GALNT18: variants seen among roughly 807,000 people sequenced by gnomAD.
GALNT18 encodes the protein GalNAc-transferase 18.
In GALNT18, 44 loss-of-function variants were observed where a neutral mutation model predicts 69.5. The ratio of observed to expected loss-of-function variants is 0.63; its 90% CI spans 0.50 to 0.81. The LOEUF (loss-of-function observed/expected upper bound fraction) is 0.81. GALNT18 is among the 40% of genes least tolerant of loss of function. The pLI, the probability that GALNT18 is intolerant of heterozygous loss-of-function variation, is 0.00. For missense variants in GALNT18, 715 were observed against 810.0 expected (o/e 0.88, Z 1.42); for synonymous variants, 364 against 318.2 (o/e 1.14, Z -1.53).
rs1006225568 is a variant in GALNT18, at chr11:11,620,901, A to G, written c.235+458T>C. The stretch of plus-strand genomic sequence containing the variant: ...GGCAGCCTGCGGGTCTTAACTGCCA[A>G]TAGTCAGGGCCGCCGCGCGGGCATC... On this transcript the variant is annotated intron_variant, in intron 1 of 10. Transcript: ENST00000227756. This position sits in a 1 kb window ranked among gnomAD's most constrained non-coding sequence, Gnocchi z 6.9. Among the ~76,000 whole-genome samples the G allele has an allele frequency of 2.0e-5, 3 of 152,170 alleles. No homozygotes were observed. Among genetic ancestry groups the G allele is most frequent in the African/African-American group, 4.8e-5 (2 of 41,438 alleles).
intron 9 of GALNT18, among the ~76,000 whole-genome samples, chr11:11,297,542 G>A (rs995355850): frequency 6.6e-6 from 1 of 152,148 alleles, no homozygotes; most frequent in Non-Finnish European, 1.5e-5. Context: ...CCTCCAGGCT[G>A]GGAGGGGCAG....
chr11:11,461,785 C>A lies in GALNT18; in HGVS notation c.236-12849G>T, dbSNP rs1399226870. Among the ~76,000 whole-genome samples, 1 of 152,194 alleles carries A rather than the reference C, an allele frequency of 6.6e-6. No individual in the cohort carries two copies. The highest frequency in any genetic ancestry group is 2.4e-5 in the African/African-American group (1 of 41,436). ...CTAGACAGGGAGAAAGCAGTGTGGC[C>A]CTTGCCAGTAGGACAGCCTGCAGCC... On this transcript the variant is annotated intron_variant, in intron 1 of 10. Coordinates refer to ENST00000227756, the MANE Select transcript of GALNT18 (RefSeq NM_198516.3). This position sits in a 1 kb window ranked among gnomAD's most constrained non-coding sequence, Gnocchi z 4.1.
At position 11,497,367 on chromosome 11, in the gene GALNT18, C is replaced by CACACACAT. The variant is rs1344381727; in HGVS notation, c.236-48432_236-48431insATGTGTGT. ...ACACACACACACACACACACACACA[C>CACACACAT]ACACCCCTTAGAATGGGGCTCCTTA... On this transcript the variant is annotated intron_variant, in intron 1 of 10. Transcript: ENST00000227756. The surrounding 1 kb of genome is among the most constrained non-coding windows in gnomAD (Gnocchi z 4.2). Among the ~76,000 whole-genome samples the CACACACAT allele has an allele frequency of 6.8e-6, 1 of 147,896 alleles. No individual in the cohort carries two copies. Among genetic ancestry groups the CACACACAT allele is most frequent in the African/African-American group, 2.5e-5 (1 of 39,840 alleles).
chr11:11,408,656 C>T (rs188621626), intron 3 of GALNT18, among the ~76,000 whole-genome samples: 2 of 152,230 alleles, frequency 1.3e-5, no homozygotes, highest in East Asian at 1.9e-4. Flanking sequence ...GGCAAGGCAC[C>T]CACACCTGCA....
chr11:11,495,528 G>T (rs1272990814), intron 1 of GALNT18, among the ~76,000 whole-genome samples: 1 of 152,176 alleles, frequency 6.6e-6, no homozygotes, highest in Non-Finnish European at 1.5e-5. Context: ...ATATTCATTT[G>T]CTCATTAGGA....
rs367720025 is a variant in GALNT18, at chr11:11,430,139, C to A, written c.595+2482G>T. 2.0e-4 allele frequency among the ~76,000 whole-genome samples: 31 copies of A among 152,070 alleles called. No individual in the cohort carries two copies. The highest frequency in any genetic ancestry group is 6.3e-4 in the South Asian group (3 of 4,800). On this transcript the variant is annotated intron_variant, in intron 3 of 10. Coordinates refer to ENST00000227756, the MANE Select transcript of GALNT18 (RefSeq NM_198516.3). This position sits in a 1 kb window ranked among gnomAD's most constrained non-coding sequence, Gnocchi z 4.9. ...GAGCAAGACCCTGTCTCAAAAAAAA[C>A]CAAAATAAAAAAAAGAATGCTTTTT...
intron 1 of GALNT18, chr11:11,475,609 T>G (rs949167097): frequency 9.9e-5 from 15 of 152,246 alleles, no homozygotes; most frequent in Admixed American, 9.8e-4. Context: ...TTGTTACTTA[T>G]GCTCACTTAA....
intron 10 of GALNT18, among the ~76,000 whole-genome samples, chr11:11,275,679 G>A (rs1472284760): frequency 2.0e-5 from 3 of 152,214 alleles, no homozygotes; most frequent in Non-Finnish European, 4.4e-5. Flanking sequence ...TTACATTTAA[G>A]TCTTTTATCC....
At chr11:11,325,636 C>T (rs1030399210) in intron 9 of GALNT18, among the ~76,000 whole-genome samples, 18 of 152,146 alleles carry the variant, frequency 1.2e-4, no homozygotes, top group African/African-American at 3.9e-4. Flanking sequence ...TATTTTTGAT[C>T]TGGGTGTATT....
At chr11:11,575,910 A>G (rs1402519825) in intron 1 of GALNT18, among the ~76,000 whole-genome samples, 1 of 152,194 alleles carries the variant, frequency 6.6e-6, no homozygotes, top group Non-Finnish European at 1.5e-5. Context: ...AATATTGAAA[A>G]TAATAACCAT....
chr11:11,400,927 C>G (rs1854449197), intron 3 of GALNT18, among the ~76,000 whole-genome samples: 1 of 152,066 alleles, frequency 6.6e-6, no homozygotes, highest in Non-Finnish European at 1.5e-5. Flanking sequence ...TTAAATTTTC[C>G]CAACTGTGAA....
rs1858583728 is a variant in GALNT18, at chr11:11,564,095, G to C, written c.235+57264C>G. On this transcript the variant is annotated intron_variant, in intron 1 of 10. Coordinates refer to ENST00000227756, the MANE Select transcript of GALNT18 (RefSeq NM_198516.3). The surrounding 1 kb of genome is among the most constrained non-coding windows in gnomAD (Gnocchi z 4.3). ...CTCTTACAAGAGCCCAGTGAGTTAC[G>C]TACTGATCTTAACCCCATTTTACAG... is the stretch of plus-strand genomic sequence containing the variant. Among the ~76,000 whole-genome samples the C allele has an allele frequency of 6.6e-6, 1 of 152,078 alleles. No homozygotes were observed. The highest frequency in any genetic ancestry group is 1.5e-5 in the Non-Finnish European group (1 of 68,040).
intron 1 of GALNT18, among the ~76,000 whole-genome samples, chr11:11,594,846 T>C (rs111463269): frequency 0.32 from 26,314 of 82,374 alleles, 2,666 homozygotes; most frequent in Non-Finnish European, 0.36. Flanking sequence ...TATATACACA[T>C]ATACATACAT....
At chr11:11,579,480 T>C (rs4910021) in intron 1 of GALNT18, among the ~76,000 whole-genome samples, 11,106 of 152,232 alleles carry the variant, frequency 0.073, 524 homozygotes, top group Admixed American at 0.13. Context: ...GGAATGGAGC[T>C]GCTCGGATTA....
intron 6 of GALNT18, among the ~76,000 whole-genome samples, chr11:11,348,079 T>C (rs1850333524): frequency 2.6e-5 from 1 of 38,288 alleles, no homozygotes; most frequent in African/African-American, 3.0e-5. Context: ...TGCATGGGAA[T>C]AAGAAAGAGA....
Position 11,500,007 on chromosome 11 carries a change from T to C in GALNT18, c.236-51071A>G, listed in dbSNP as rs1856942252. Among the ~76,000 whole-genome samples, 1 of 152,198 alleles carries C rather than the reference T, an allele frequency of 6.6e-6. No homozygotes were observed. The highest frequency in any genetic ancestry group is 1.9e-4 in the East Asian group (1 of 5,178). ...ATTATCAAAGAGAAAGATGCAGTCC[T>C]AGAGACACAGAGAAAGAAAAAAGAT... On this transcript the variant is annotated intron_variant, in intron 1 of 10. Transcript: ENST00000227756. This position sits in a 1 kb window ranked among gnomAD's most constrained non-coding sequence, Gnocchi z 5.0.
intron 1 of GALNT18, among the ~76,000 whole-genome samples, chr11:11,519,840 C>A (rs144267138): frequency 6.6e-6 from 1 of 152,238 alleles, no homozygotes; most frequent in African/African-American, 2.4e-5. Context: ...CCTACTCTTG[C>A]TCCTAGCAGG....
chr11:11,503,017 T>C (rs1020513760), intron 1 of GALNT18, among the ~76,000 whole-genome samples: 16 of 152,182 alleles, frequency 1.1e-4, no homozygotes, highest in African/African-American at 3.9e-4. Context: ...GGCAAGCATC[T>C]CATGGAAGAA....
rs1238966726 is a variant in GALNT18, at chr11:11,432,836, C to A, written c.429-49G>T. On this transcript the variant is annotated intron_variant, in intron 2 of 10. Coordinates refer to ENST00000227756, the MANE Select transcript of GALNT18 (RefSeq NM_198516.3). The surrounding 1 kb of genome is among the most constrained non-coding windows in gnomAD (Gnocchi z 5.8). Reference sequence around the variant, plus strand: ...AGATTTGTGACTCAGCTGGAGTCATCTCAGGAGCTGACCCAGCCCATGTCC... The same window carrying A: ...AGATTTGTGACTCAGCTGGAGTCATATCAGGAGCTGACCCAGCCCATGTCC... 5 of 1,576,734 alleles carry A rather than the reference C, an allele frequency of 3.2e-6. No homozygotes were observed. The highest frequency in any genetic ancestry group is 4.3e-6 in the Non-Finnish European group (5 of 1,153,352).
Sources: gnomAD v4.1 joint callset for allele counts (sites outside exome capture counted in the v4.1 genomes callset) on GRCh38, gnomAD v4.1.1 for gene constraint, Gnocchi (gnomAD v3.1) non-coding constraint, MANE v1.5 for transcripts, NCBI Gene and HGNC (gene_info 2026-07-23, HGNC 2026-07-21) for gene names.